The following CEP128 variants were observed in gnomAD, a reference collection of about 807,000 sequenced individuals.
CEP128 encodes centrosomal protein 128, also known as centrosomal protein 128kDa.
CEP128 carries 132 observed loss-of-function variants against 156.7 expected under a neutral mutation model. That is an observed-to-expected ratio of 0.84 (90% CI 0.73 to 0.97). The LOEUF (loss-of-function observed/expected upper bound fraction) is 0.97, where lower values mean the gene tolerates loss of function less well. Among genes scored for constraint, CEP128 ranks in the 50% least tolerant of loss-of-function variants. The probability of loss-of-function intolerance (pLI) is 0.00; values close to 1 mark genes in which losing one functional copy is unlikely to be tolerated. For synonymous variants in CEP128, 469 were observed against 448.9 expected (o/e 1.04, Z -0.57); for missense variants, 1,252 against 1,281.9 (o/e 0.98, Z 0.36).
intron 8 of CEP128, among the ~76,000 whole-genome samples, chr14:80,875,495 A>C (rs553235058): frequency 6.6e-6 from 1 of 152,324 alleles, no homozygotes; most frequent in South Asian, 2.1e-4. Flanking sequence ...AAGAAAAGCA[A>C]AGGATAATAG....
At chr14:80,679,290 G>C (rs758718954) in intron 19 of CEP128, among the ~76,000 whole-genome samples, 4 of 152,310 alleles carry the variant, frequency 2.6e-5, no homozygotes, top group South Asian at 2.1e-4. Flanking sequence ...AGGCAGAATA[G>C]AGCCACATTT....
At chr14:80,699,902 G>A (rs747871556) in intron 19 of CEP128, among the ~76,000 whole-genome samples, 8 of 152,186 alleles carry the variant, frequency 5.3e-5, no homozygotes, top group African/African-American at 1.7e-4. Flanking sequence ...TGCCTGCAGC[G>A]TGTCTCCCTT....
At position 80,821,610 on chromosome 14, in the gene CEP128, C is replaced by T. The variant is rs112937912; in HGVS notation, c.1209+9533G>A. Among the ~76,000 whole-genome samples, 525 of 65,500 alleles carry T rather than the reference C, an allele frequency of 8.0e-3. 3 individuals are homozygous for T. Among genetic ancestry groups the T allele is most frequent in the Middle Eastern group, 0.056 (6 of 108 alleles). The allele number at this position is 65,500 out of a possible 152,430, so 43.0% of individuals were successfully genotyped here. ...ACACACATACACACATACACACACA[C>T]ACACACACACACACACACACACACA... On this transcript the variant is annotated intron_variant, in intron 13 of 24. Coordinates refer to ENST00000555265, the MANE Select transcript of CEP128 (RefSeq NM_152446.5).
At chr14:80,853,110 C>T (rs868816079) in intron 9 of CEP128, among the ~76,000 whole-genome samples, 6 of 151,592 alleles carry the variant, frequency 4.0e-5, no homozygotes, top group African/African-American at 1.2e-4. Flanking sequence ...AAATAAATAA[C>T]AGCAAACATC....
intron 16 of CEP128, among the ~76,000 whole-genome samples, chr14:80,775,273 G>C (rs1198119386): frequency 3.3e-5 from 5 of 152,088 alleles, no homozygotes; most frequent in African/African-American, 1.2e-4. Context: ...AAAGTTTTAC[G>C]CATAATCATT....
At chr14:80,705,123 A>G (rs573100897) in intron 19 of CEP128, among the ~76,000 whole-genome samples, 4 of 152,196 alleles carry the variant, frequency 2.6e-5, no homozygotes, top group East Asian at 3.9e-4. Flanking sequence ...TTAACAGCAT[A>G]TCATGAAAGA....
intron 18 of CEP128, among the ~76,000 whole-genome samples, chr14:80,750,376 G>A (rs1219143834): frequency 6.7e-6 from 1 of 149,826 alleles, no homozygotes; most frequent in Non-Finnish European, 1.5e-5. Context: ...ACTGTTTTCC[G>A]CCATATGAGA....
At chr14:80,568,899 A>T (rs982693945) in intron 20 of CEP128, among the ~76,000 whole-genome samples, 1 of 152,198 alleles carries the variant, frequency 6.6e-6, no homozygotes, top group Non-Finnish European at 1.5e-5. Context: ...AAGCAGATGT[A>T]TATTAACTGT....
chr14:80,481,927 A>G (rs1173715528), intron 14 of CEP128, among the ~76,000 whole-genome samples: 1 of 152,268 alleles, frequency 6.6e-6, no homozygotes, highest in Non-Finnish European at 1.5e-5. Flanking sequence ...ATTATTCTCT[A>G]GCAGTAAAAT....
intron 8 of CEP128, among the ~76,000 whole-genome samples, chr14:80,864,852 C>A (rs1213683832): frequency 4.6e-5 from 7 of 152,204 alleles, no homozygotes; most frequent in Non-Finnish European, 1.0e-4. Flanking sequence ...CCACCATGCC[C>A]AGCCTTTGAT....
Position 80,656,346 on chromosome 14 carries a change from T to TAAAA in CEP128, c.2807-75927_2807-75924dup, listed in dbSNP as rs56063705. Among the ~76,000 whole-genome samples, 38 of 71,008 alleles carry TAAAA rather than the reference T, an allele frequency of 5.4e-4. 4 individuals are homozygous for TAAAA. Among genetic ancestry groups the TAAAA allele is most frequent in the African/African-American group, 8.7e-4 (18 of 20,772 alleles). 46.6% of individuals were successfully genotyped at this position (71,008 alleles called of 152,430 possible). On this transcript the variant is annotated intron_variant, in intron 19 of 24. Transcript: ENST00000555265. Reference sequence around the variant, plus strand: ...ATATATATATATATATATATAGCAATAAAAAAAAAACAACTAATTCAAGCG... The same window carrying TAAAA: ...ATATATATATATATATATATAGCAATAAAAAAAAAAAAAACAACTAATTCAAGCG...
chr14:80,491,494 C>T (rs185484297), downstream of CEP128, among the ~76,000 whole-genome samples: 1,278 of 152,280 alleles, frequency 8.4e-3, 3 homozygotes, highest in Non-Finnish European at 0.014. Flanking sequence ...GGCTTTGCTA[C>T]CCATCACTGT....
chr14:80,748,005 C>G (rs567996051), intron 18 of CEP128, among the ~76,000 whole-genome samples: 29 of 152,116 alleles, frequency 1.9e-4, no homozygotes, highest in Non-Finnish European at 3.7e-4. Flanking sequence ...TCTAAATTAA[C>G]GAATTGTATG....
intron 19 of CEP128, among the ~76,000 whole-genome samples, chr14:80,619,188 C>T (rs760621719): frequency 2.0e-5 from 3 of 151,988 alleles, no homozygotes; most frequent in African/African-American, 4.8e-5. Context: ...ACTTTCACAA[C>T]CCAAATTATG....
At chr14:80,661,677 CT>C (rs1477889241) in intron 19 of CEP128, among the ~76,000 whole-genome samples, 1 of 152,094 alleles carries the variant, frequency 6.6e-6, no homozygotes, top group African/African-American at 2.4e-5. Context: ...AATTATAATT[CT>C]TATCTTTTCA....
At chr14:80,872,675 T>G (rs984783718) in intron 8 of CEP128, among the ~76,000 whole-genome samples, 3 of 152,176 alleles carry the variant, frequency 2.0e-5, no homozygotes, top group African/African-American at 4.8e-5. Context: ...ATTTTAAACT[T>G]AAATCTGAAG....
chr14:80,533,106 T>G (rs751940515), intron 21 of CEP128, among the ~76,000 whole-genome samples: 5 of 152,196 alleles, frequency 3.3e-5, no homozygotes, highest in Non-Finnish European at 7.4e-5. Context: ...TGTTTCTTAC[T>G]ATAAGCCACA....
intron 19 of CEP128, among the ~76,000 whole-genome samples, chr14:80,623,258 A>G (rs1204247886): frequency 6.7e-6 from 1 of 148,266 alleles, no homozygotes; most frequent in Admixed American, 6.8e-5. Context: ...GAATTGAACA[A>G]TGAGAACACA....
At chr14:80,874,853 C>T (rs1888205730) in intron 8 of CEP128, among the ~76,000 whole-genome samples, 1 of 152,096 alleles carries the variant, frequency 6.6e-6, no homozygotes, top group South Asian at 2.1e-4. Flanking sequence ...CTCCTGACCT[C>T]GTGATCCGCC....
Sources: gnomAD v4.1 joint callset for allele counts (sites outside exome capture counted in the v4.1 genomes callset) on GRCh38, gnomAD v4.1.1 for gene constraint, MANE v1.5 for transcripts, NCBI Gene and HGNC (gene_info 2026-07-23, HGNC 2026-07-21) for gene names.